Variants in KAZN observed in about 807,000 individuals in gnomAD.
The protein encoded by KAZN is kazrin, periplakin interacting protein.
A neutral mutation model predicts 87.4 loss-of-function variants in KAZN; 40 were observed. The observed-to-expected ratio is 0.46, with a 90% CI of 0.36 to 0.60. The LOEUF (loss-of-function observed/expected upper bound fraction) is 0.60, where lower values mean the gene tolerates loss of function less well. KAZN is among the 20% of genes least tolerant of loss of function. The probability of loss-of-function intolerance (pLI) is 0.00; values close to 1 mark genes in which losing one functional copy is unlikely to be tolerated. For missense variants in KAZN, 898 were observed against 1,073.9 expected (o/e 0.84, Z 2.29); for synonymous variants, 466 against 458.3 (o/e 1.02, Z -0.22).
At chr1:14,594,156 T>C (rs1351484607), upstream of KAZN, among the ~76,000 whole-genome samples, 1 of 152,182 alleles carries the variant, frequency 6.6e-6, no homozygotes, top group African/African-American at 2.4e-5. Flanking sequence ...GTATGCCACT[T>C]GTTTTAGCTT....
intron 1 of KAZN, among the ~76,000 whole-genome samples, chr1:14,790,497 A>G (rs1645641508): frequency 6.6e-6 from 1 of 152,212 alleles, no homozygotes. Context: ...GATTTTTAGT[A>G]TATTAACAGA....
chr1:14,424,862 G>A (rs1468901395), intron 2 of KAZN, among the ~76,000 whole-genome samples: 1 of 152,200 alleles, frequency 6.6e-6, no homozygotes, highest in East Asian at 1.9e-4. Flanking sequence ...TGCTTGCTGA[G>A]CCAATGCCAA....
At chr1:15,015,504 C>T (rs1182090614) in intron 2 of KAZN, among the ~76,000 whole-genome samples, 1 of 152,156 alleles carries the variant, frequency 6.6e-6, no homozygotes, top group Non-Finnish European at 1.5e-5. Context: ...CGGCCAGTTG[C>T]CCGATGCTCT....
chr1:14,659,432 G>A (rs538685839), intron 1 of KAZN, among the ~76,000 whole-genome samples: 9 of 152,028 alleles, frequency 5.9e-5, no homozygotes, highest in African/African-American at 2.2e-4. Context: ...GGGAAGTATT[G>A]GGAAGATAAG....
intron 1 of KAZN, among the ~76,000 whole-genome samples, chr1:14,931,274 T>TA (rs34539653): frequency 0.033 from 4,828 of 144,396 alleles, 124 homozygotes; most frequent in South Asian, 0.08. Context: ...CCATCTCTAC[T>TA]AAAAAAAAAA....
At position 15,094,109 on chromosome 1, in the gene KAZN, G is replaced by A. The variant is rs1437183094; in HGVS notation, c.1223-71G>A. 6.4e-6 allele frequency: 9 copies of A among 1,411,604 alleles called. No individual in the cohort carries two copies. Among genetic ancestry groups the A allele is most frequent in the Non-Finnish European group, 8.8e-6 (9 of 1,019,750 alleles). The allele number at this position is 1,411,604 out of a possible 1,614,324, so 87.4% of individuals were successfully genotyped here. On this transcript the variant is annotated intron_variant, in intron 8 of 14. Transcript: ENST00000376030. This position sits in a 1 kb window ranked among gnomAD's most constrained non-coding sequence, Gnocchi z 4.5. Reference sequence around the variant, plus strand: ...GTCCCCACCACCCTCTGCCTCCCGGGGGTATGGCCTGCCCAGCCCCTGCCC... The same window carrying A: ...GTCCCCACCACCCTCTGCCTCCCGGAGGTATGGCCTGCCCAGCCCCTGCCC...
At chr1:14,454,235 T>C (rs1226121201) in intron 2 of KAZN, among the ~76,000 whole-genome samples, 1 of 152,152 alleles carries the variant, frequency 6.6e-6, no homozygotes, top group African/African-American at 2.4e-5. Flanking sequence ...TTGGGAGGTG[T>C]TTTTCTCCAA....
chr1:13,948,200 G>T (rs969877262), intron 1 of KAZN, among the ~76,000 whole-genome samples: 1 of 152,134 alleles, frequency 6.6e-6, no homozygotes, highest in Non-Finnish European at 1.5e-5. Context: ...GAAACGTCAG[G>T]CTGCTGAACC....
intron 1 of KAZN, among the ~76,000 whole-genome samples, chr1:13,922,927 A>G (rs1640120472): frequency 6.6e-6 from 1 of 152,200 alleles, no homozygotes; most frequent in Non-Finnish European, 1.5e-5. Flanking sequence ...ATGGACAAGG[A>G]CTTAGAACCT....
rs200118503 is a variant in KAZN, at chr1:14,214,236, G to GCTTTCTTT, written c.249+33645_249+33652dup. ...CCCGGTCTTACCTCACCTCACTCCG[G>GCTTTCTTT]CTTTCTTTGGAGTGTACATCGTTAT... On this transcript the variant is annotated intron_variant, in intron 2 of 16. Transcript: ENST00000636203. 2.6e-4 allele frequency among the ~76,000 whole-genome samples: 3 copies of GCTTTCTTT among 11,656 alleles called. No individual in the cohort carries two copies. In the African/African-American group the frequency reaches 2.7e-3, roughly 10 times the overall value. The allele number at this position is 11,656 out of a possible 152,430, so 7.6% of individuals were successfully genotyped here.
chr1:15,100,790 C>A (rs1641024872), intron 10 of KAZN, among the ~76,000 whole-genome samples: 2 of 152,236 alleles, frequency 1.3e-5, no homozygotes, highest in African/African-American at 4.8e-5. Flanking sequence ...TGGAGCATCC[C>A]ATCTGCAGAG....
intron 1 of KAZN, among the ~76,000 whole-genome samples, chr1:13,899,441 T>C (rs1227399704): frequency 6.6e-6 from 1 of 152,160 alleles, no homozygotes; most frequent in Non-Finnish European, 1.5e-5. Flanking sequence ...TTCCAGACTG[T>C]CCTCCAGAAA....
intron 2 of KAZN, among the ~76,000 whole-genome samples, chr1:14,193,459 C>T (rs1168137759): frequency 1.3e-5 from 2 of 152,086 alleles, no homozygotes; most frequent in Admixed American, 6.5e-5. Flanking sequence ...GGGAGAGTGG[C>T]CTGGAACAGA....
At position 14,528,337 on chromosome 1, in the gene KAZN, CAAAAA is replaced by C. The variant is rs33960231; in HGVS notation, c.250-70626_250-70622del. On this transcript the variant is annotated intron_variant, in intron 2 of 16. Transcript: ENST00000636203. ...TGGGTGACAGAGCAAGACTCCATCT[CAAAAA>C]AAAAAAAAAAAAAAAAAAAGAAAGA... Among the ~76,000 whole-genome samples, 6 of 49,358 alleles carry C rather than the reference CAAAAA, an allele frequency of 1.2e-4. No individual in the cohort carries two copies. In the South Asian group the frequency reaches 4.4e-3, roughly 36 times the overall value. 32.4% of individuals were successfully genotyped at this position (49,358 alleles called of 152,430 possible).
intron 1 of KAZN, among the ~76,000 whole-genome samples, chr1:14,097,381 G>A (rs1644152047): frequency 6.6e-6 from 1 of 152,198 alleles, no homozygotes; most frequent in South Asian, 2.1e-4. Flanking sequence ...CATTGGAAAG[G>A]CCTGCCTTTT....
intron 1 of KAZN, among the ~76,000 whole-genome samples, chr1:14,052,213 ACT>A (rs1350088592): frequency 1.3e-5 from 2 of 152,158 alleles, no homozygotes; most frequent in African/African-American, 4.8e-5. Flanking sequence ...CCAGGGCCTA[ACT>A]CTAAACACCA....
chr1:14,087,074 G>C (rs1338638462), intron 1 of KAZN, among the ~76,000 whole-genome samples: 1 of 152,142 alleles, frequency 6.6e-6, no homozygotes. Flanking sequence ...AATTTGACTA[G>C]GGAGAACGGA....
intron 10 of KAZN, among the ~76,000 whole-genome samples, chr1:15,100,496 A>G (rs1312177529): frequency 2.6e-5 from 4 of 152,168 alleles, no homozygotes; most frequent in Admixed American, 6.5e-5. Flanking sequence ...GGCATTTTGC[A>G]AAGTCCCTTG....
chr1:14,581,028 T>C (rs1352663657), intron 2 of KAZN, among the ~76,000 whole-genome samples: 2 of 152,256 alleles, frequency 1.3e-5, no homozygotes, highest in East Asian at 3.9e-4. Flanking sequence ...GGCCTTTCCC[T>C]TCTCTTTCAA....
Sources: allele counts gnomAD v4.1 joint callset (sites outside exome capture counted in the v4.1 genomes callset), GRCh38; gene constraint gnomAD v4.1.1; non-coding constraint Gnocchi (gnomAD v3.1); transcripts MANE v1.5; gene names NCBI Gene and HGNC (gene_info 2026-07-23, HGNC 2026-07-21).